The following ADAM22 variants were observed in gnomAD, a reference collection of about 807,000 sequenced individuals.
ADAM22 encodes the protein ADAM metallopeptidase domain 22, also known as disintegrin and metalloproteinase domain-containing protein 22.
A neutral mutation model predicts 144.6 loss-of-function variants in ADAM22; 65 were observed. That is an observed-to-expected ratio of 0.45 (90% confidence interval 0.37 to 0.55). The LOEUF (loss-of-function observed/expected upper bound fraction) is 0.55. Among genes scored for constraint, ADAM22 ranks in the 20% least tolerant of loss-of-function variants. The probability of loss-of-function intolerance (pLI) is 0.00; values close to 1 mark genes in which losing one functional copy is unlikely to be tolerated. For synonymous variants in ADAM22, 391 were observed against 412.6 expected (o/e 0.95, Z 0.63); for missense variants, 974 against 1,184.9 (o/e 0.82, Z 2.61).
chr7:88,131,440 G>C lies in ADAM22; in HGVS notation c.992+5G>C, dbSNP rs377530817. On this transcript the variant is annotated splice_donor_5th_base_variant and intron_variant, in intron 11 of 31. Transcript: ENST00000413139. ...TGATGCAGTTCACCTTTTTTCGTAC[G>C]TAACTTCTGTAATGATGTATTACTT... is the stretch of plus-strand genomic sequence containing the variant. 1 of 1,612,730 alleles carries C rather than the reference G, an allele frequency of 6.2e-7. No homozygotes were observed. Among genetic ancestry groups the C allele is most frequent in the Non-Finnish European group, 8.5e-7 (1 of 1,179,176 alleles).
chr7:87,979,764 G>A (rs1852851741), intron 3 of ADAM22, among the ~76,000 whole-genome samples: 2 of 152,170 alleles, frequency 1.3e-5, no homozygotes, highest in Non-Finnish European at 2.9e-5. Flanking sequence ...CCAGGAGACA[G>A]AGGTAAGATG....
At chr7:88,143,147 G>GTTTATAATATTAATTA in intron 15 of ADAM22, 22 bp downstream of exon 15, 1 of 1,434,208 alleles carries the variant, frequency 7.0e-7, no homozygotes, top group Non-Finnish European at 9.7e-7. Context: ...GGTTAATAAG[G>GTTTATAATATTAATTA]TTTATAATAT....
chr7:88,107,205 T>G (rs1457346686), intron 4 of ADAM22, among the ~76,000 whole-genome samples: 6 of 141,694 alleles, frequency 4.2e-5, no homozygotes, highest in African/African-American at 1.6e-4. Context: ...TTTCTTTTTT[T>G]TTTTTTTTTT....
intron 3 of ADAM22, among the ~76,000 whole-genome samples, chr7:88,025,622 CTA>C (rs1305661637): frequency 4.6e-5 from 7 of 152,104 alleles, no homozygotes; most frequent in African/African-American, 1.7e-4. Flanking sequence ...ATTGAAGAAA[CTA>C]TCTTTTCCCC....
At chr7:87,984,420 G>C (rs893879603) in intron 3 of ADAM22, among the ~76,000 whole-genome samples, 2 of 152,058 alleles carry the variant, frequency 1.3e-5, no homozygotes, top group African/African-American at 2.4e-5. Context: ...GACTAGTCCT[G>C]GAAGCTTTTT....
chr7:87,965,578 T>C (rs905774975), intron 2 of ADAM22, among the ~76,000 whole-genome samples: 1 of 152,240 alleles, frequency 6.6e-6, no homozygotes, highest in Non-Finnish European at 1.5e-5. Context: ...CTATTTATTA[T>C]GGGATTTTGT....
intron 4 of ADAM22, 131 bp downstream of exon 4, chr7:88,075,823 G>T: frequency 1.4e-6 from 1 of 738,418 alleles, no homozygotes; most frequent in Non-Finnish European, 2.2e-6. Flanking sequence ...ATAATTTGAA[G>T]TTTTATCACC....
At chr7:87,990,953 C>T (rs539565605) in intron 3 of ADAM22, among the ~76,000 whole-genome samples, 1 of 152,198 alleles carries the variant, frequency 6.6e-6, no homozygotes, top group Non-Finnish European at 1.5e-5. Context: ...CGTGAGCCAC[C>T]ACACCCAGCC....
rs144334700 is a variant in ADAM22 at position 88,064,124 on chromosome 7, A to G, written c.324-11502A>G. Among the ~76,000 whole-genome samples, 76 of 152,284 alleles carry G rather than the reference A, an allele frequency of 5.0e-4. No individual in the cohort carries two copies. In the East Asian group the frequency reaches 8.1e-3, roughly 16 times the overall value. On this transcript the variant is annotated intron_variant, in intron 3 of 31. Coordinates refer to ENST00000413139, the MANE Select transcript of ADAM22 (RefSeq NM_001324418.2). ...AGGAGGATGGAAGGCCACAGGAGGG[A>G]TGTAGCCAAGAAAATATTGGAATTA...
chr7:87,971,038 T>C (rs1229740605), intron 2 of ADAM22, among the ~76,000 whole-genome samples: 1 of 152,162 alleles, frequency 6.6e-6, no homozygotes, highest in Non-Finnish European at 1.5e-5. Context: ...ACCATATCCA[T>C]GTAATTTCTT....
Position 87,961,180 on chromosome 7 carries a change from G to A in ADAM22, c.247-17156G>A, listed in dbSNP as rs181498684. Among the ~76,000 whole-genome samples the A allele has an allele frequency of 2.0e-5, 3 of 152,272 alleles. No homozygotes were observed. The East Asian group carries it at 5.8e-4, about 29-fold the overall frequency. ...GACATTAGGAAAAGACTTGAAGGAT[G>A]TGAGGAGTGAGTCATACAGGTATCT... is the stretch of plus-strand genomic sequence containing the variant. On this transcript the variant is annotated intron_variant, in intron 2 of 31. Coordinates refer to ENST00000413139, the MANE Select transcript of ADAM22 (RefSeq NM_001324418.2).
Position 88,069,109 on chromosome 7 carries a change from G to GGCTC in ADAM22, c.324-6512_324-6509dup, listed in dbSNP as rs565036416. Among the ~76,000 whole-genome samples, 305 of 151,666 alleles carry GGCTC rather than the reference G, an allele frequency of 2.0e-3. 2 individuals are homozygous for GGCTC. Among genetic ancestry groups the GGCTC allele is most frequent in the African/African-American group, 6.9e-3 (287 of 41,360 alleles). On this transcript the variant is annotated intron_variant, in intron 3 of 31. Transcript: ENST00000413139. Reference sequence around the variant, plus strand: ...GTGTGTGCTCTCCCCCTCTCTCTCTGGCTCGCTCTCACCCTCTCTTGTCTT... The same window carrying GGCTC: ...GTGTGTGCTCTCCCCCTCTCTCTCTGGCTCGCTCGCTCTCACCCTCTCTTGTCTT...
In ADAM22 at chr7:88,031,708, G is replaced by T. The variant is rs1800300889; in HGVS notation, c.324-43918G>T. 2.0e-5 allele frequency among the ~76,000 whole-genome samples: 3 copies of T among 152,224 alleles called. No individual in the cohort carries two copies. The South Asian group carries it at 6.2e-4, about 32-fold the overall frequency. ...CAGAGCATGCCTGGAAGGTGTTTCA[G>T]AGACCTTCATGGCAGCCCCTCCCAT... On this transcript the variant is annotated intron_variant, in intron 3 of 31. Transcript: ENST00000413139.
intron 15 of ADAM22, among the ~76,000 whole-genome samples, chr7:88,144,647 G>C (rs937262866): frequency 3.9e-5 from 6 of 151,972 alleles, no homozygotes; most frequent in Non-Finnish European, 5.9e-5. Flanking sequence ...GATGTGGATG[G>C]ACAACTATTA....
rs748114262 is a variant in ADAM22, at chr7:88,002,615, G to C, written c.323+24203G>C. ...ATAATAGTTGGTGGGCATTCATAAA[G>C]TAAAGAAAGAATCATATTTCAAAGG... On this transcript the variant is annotated intron_variant, in intron 3 of 31. Coordinates refer to ENST00000413139, the MANE Select transcript of ADAM22 (RefSeq NM_001324418.2). 2.0e-5 allele frequency among the ~76,000 whole-genome samples: 3 copies of C among 152,276 alleles called. No individual in the cohort carries two copies. In the East Asian group the frequency reaches 5.8e-4, roughly 29 times the overall value.
intron 2 of ADAM22, among the ~76,000 whole-genome samples, chr7:87,966,721 GTTTT>G (rs71120012): frequency 1.3e-4 from 5 of 39,882 alleles, no homozygotes; most frequent in African/African-American, 4.6e-4. Context: ...AAGGAAAGCC[GTTTT>G]TTTTTTTTTT....
intron 22 of ADAM22, among the ~76,000 whole-genome samples, chr7:88,160,586 G>A (rs1841319042): frequency 6.6e-6 from 1 of 152,096 alleles, no homozygotes; most frequent in Non-Finnish European, 1.5e-5. Context: ...CTTCGATGAA[G>A]CTGACAAAAA....
In ADAM22 at chr7:88,114,655, C is replaced by T; in HGVS notation, c.537+8C>T. 1.2e-6 allele frequency: 2 copies of T among 1,613,324 alleles called. No individual in the cohort carries two copies. The highest frequency in any genetic ancestry group is 1.7e-6 in the Non-Finnish European group (2 of 1,179,524). On this transcript the variant is annotated splice_region_variant and intron_variant, in intron 6 of 31. Transcript: ENST00000413139. ...GAAAATGACACTACTCAAGTAAGTGCTCCTTCTGTTTGTTGTGGCAAATGG... is the reference window on the plus strand; with the variant it reads ...GAAAATGACACTACTCAAGTAAGTGTTCCTTCTGTTTGTTGTGGCAAATGG...
intron 3 of ADAM22, among the ~76,000 whole-genome samples, chr7:88,059,423 A>G (rs1271031101): frequency 5.3e-5 from 8 of 152,238 alleles, no homozygotes; most frequent in Admixed American, 5.2e-4. Flanking sequence ...GCTCAAAGCT[A>G]TAATAATATA....
Sources: allele counts gnomAD v4.1 joint callset (sites outside exome capture counted in the v4.1 genomes callset), GRCh38; gene constraint gnomAD v4.1.1; transcripts MANE v1.5; gene names NCBI Gene and HGNC (gene_info 2026-07-23, HGNC 2026-07-21).